The following CNIH3 variants were observed in gnomAD, a reference collection of about 807,000 sequenced individuals.
The protein encoded by CNIH3 is protein cornichon homolog 3.
In CNIH3, 14 loss-of-function variants were observed where a neutral mutation model predicts 24.1. That is an observed-to-expected ratio of 0.58 (90% CI 0.38 to 0.91). CNIH3 has a LOEUF of 0.91. Ranked by LOEUF, CNIH3 falls within the 40% of genes least tolerant of loss-of-function variation. CNIH3 has a pLI of 0.00. For synonymous variants in CNIH3, 68 were observed against 73.8 expected (o/e 0.92, Z 0.40); for missense variants, 178 against 196.8 (o/e 0.90, Z 0.57).
intron 1 of CNIH3, among the ~76,000 whole-genome samples, chr1:224,460,147 C>T (rs1047208192): frequency 2.0e-5 from 3 of 152,206 alleles, no homozygotes; most frequent in African/African-American, 7.2e-5. Flanking sequence ...CCACGTCGGC[C>T]TCCCAGGGTG....
At chr1:224,689,878 C>G (rs1199415636) in intron 3 of CNIH3, among the ~76,000 whole-genome samples, 1 of 152,166 alleles carries the variant, frequency 6.6e-6, no homozygotes, top group Non-Finnish European at 1.5e-5. Context: ...AGCCAGTTGC[C>G]TCTTGAGCAG....
downstream of CNIH3, chr1:224,537,541 T>C (rs1435763462): frequency 6.6e-6 from 1 of 152,168 alleles, no homozygotes; most frequent in Non-Finnish European, 1.5e-5. Flanking sequence ...GTCTTACACA[T>C]ATTGATTGAT....
In CNIH3 at chr1:224,706,681, C is replaced by T. The variant is rs553142642; in HGVS notation, c.198+21838C>T. Among the ~76,000 whole-genome samples the T allele has an allele frequency of 1.1e-4, 17 of 152,224 alleles. No individual in the cohort carries two copies. The South Asian group carries it at 2.5e-3, about 22-fold the overall frequency. ...AAAGGATCTTAGTGAATTCTGGCCT[C>T]GCTCTTTCATCGAAGGTAAACAAAA... On this transcript the variant is annotated intron_variant, in intron 3 of 5. Transcript: ENST00000272133.
chr1:224,516,778 C>T (rs80134710), intron 1 of CNIH3, among the ~76,000 whole-genome samples: 4 of 152,366 alleles, frequency 2.6e-5, no homozygotes, highest in African/African-American at 4.8e-5. Flanking sequence ...CTTTGCAGCA[C>T]GTTTTCTTAC....
At chr1:224,566,102 T>C (rs1223191297) in intron 3 of CNIH3, 3 of 152,100 alleles carry the variant, frequency 2.0e-5, no homozygotes, top group Admixed American at 6.5e-5. Context: ...AGACAAACAA[T>C]AGAATTTGAT....
chr1:224,596,015 G>C lies in CNIH3; in HGVS notation n.402+29751G>C, dbSNP rs1269436406. 2.6e-5 allele frequency among the ~76,000 whole-genome samples: 4 copies of C among 152,212 alleles called. No homozygotes were observed. The East Asian group carries it at 7.7e-4, about 29-fold the overall frequency. On this transcript the variant is annotated intron_variant and non_coding_transcript_variant, in intron 3 of 7. Coordinates refer to the CNIH3 transcript ENST00000478120. ...TGAAGCCACAAGTGCTGATGGAGAAGCTGCAGCAAGTTACCCAGAAGGTCT... is the reference window on the plus strand; with the variant it reads ...TGAAGCCACAAGTGCTGATGGAGAACCTGCAGCAAGTTACCCAGAAGGTCT...
At chr1:224,467,818 A>G (rs1676210513) in intron 1 of CNIH3, among the ~76,000 whole-genome samples, 1 of 150,290 alleles carries the variant, frequency 6.7e-6, no homozygotes, top group Non-Finnish European at 1.5e-5. Flanking sequence ...AAAGTTTCAT[A>G]GTTTTACATG....
intron 2 of CNIH3, among the ~76,000 whole-genome samples, chr1:224,524,042 T>C (rs1558129079): frequency 6.6e-6 from 1 of 152,218 alleles, no homozygotes; most frequent in East Asian, 1.9e-4. Flanking sequence ...TACTAAGTTA[T>C]AAACTTCTTA....
intron 1 of CNIH3, among the ~76,000 whole-genome samples, chr1:224,474,727 C>T (rs1263358812): frequency 2.0e-5 from 3 of 151,904 alleles, no homozygotes; most frequent in East Asian, 1.9e-4. Context: ...AGAAAGAAGG[C>T]CCAAATAAGG....
At chr1:224,601,877 C>T (rs1474790353) in intron 3 of CNIH3, among the ~76,000 whole-genome samples, 1 of 152,206 alleles carries the variant, frequency 6.6e-6, no homozygotes, top group South Asian at 2.1e-4. Flanking sequence ...AATACAGTGA[C>T]TTAGTGCCAA....
At chr1:224,651,286 G>A (rs1428141140) in intron 1 of CNIH3, among the ~76,000 whole-genome samples, 1 of 152,190 alleles carries the variant, frequency 6.6e-6, no homozygotes, top group African/African-American at 2.4e-5. Context: ...GTGCAGTGCA[G>A]GAATAAGGAA....
chr1:224,441,308 A>G (rs550293731), intron 1 of CNIH3, among the ~76,000 whole-genome samples: 1 of 152,148 alleles, frequency 6.6e-6, no homozygotes, highest in Non-Finnish European at 1.5e-5. Context: ...GACAGTAAGT[A>G]TTTGTTTTTC....
At chr1:224,581,638 A>C (rs1053988039) in intron 4 of CNIH3, among the ~76,000 whole-genome samples, 8 of 152,130 alleles carry the variant, frequency 5.3e-5, no homozygotes, top group African/African-American at 1.9e-4. Context: ...AAACAGTGCT[A>C]TTGCATATAG....
At chr1:224,484,272 TACAAAAA>T (rs1676939751) in intron 1 of CNIH3, among the ~76,000 whole-genome samples, 1 of 150,030 alleles carries the variant, frequency 6.7e-6, no homozygotes. Context: ...ATACTAAAAA[TACAAAAA>T]ATTAGCCGGG....
rs529804037 is a variant in CNIH3, at chr1:224,645,601, C to T, written c.81+28346C>T. Among the ~76,000 whole-genome samples, 6 of 152,342 alleles carry T rather than the reference C, an allele frequency of 3.9e-5. 1 individual carries two copies. The highest frequency in any genetic ancestry group is 3.3e-4 in the Admixed American group (5 of 15,304). On this transcript the variant is annotated intron_variant, in intron 1 of 5. Transcript: ENST00000272133. The stretch of plus-strand genomic sequence containing the variant: ...AATATGGTGGGTGGTGAGGTTTAGG[C>T]CCTGTTCCAATTCAGGGTAACATGT...
At chr1:224,649,703 G>A (rs1413534754) in intron 1 of CNIH3, among the ~76,000 whole-genome samples, 1 of 152,148 alleles carries the variant, frequency 6.6e-6, no homozygotes, top group Non-Finnish European at 1.5e-5. Flanking sequence ...AATCCCAGCG[G>A]TTCCTCCTCT....
At chr1:224,585,692 C>T (rs889650636) in intron 5 of CNIH3, among the ~76,000 whole-genome samples, 1 of 141,780 alleles carries the variant, frequency 7.1e-6, no homozygotes, top group African/African-American at 2.5e-5. Context: ...ACTATGTTGC[C>T]CAGGCTGGTT....
upstream of CNIH3, chr1:224,615,560 G>A (rs2125057802): frequency 6.6e-6 from 1 of 152,202 alleles, no homozygotes; most frequent in East Asian, 1.9e-4. Context: ...TTTCTGATAA[G>A]GAAACTAAGG....
At chr1:224,702,959 G>T (rs1687583027) in intron 3 of CNIH3, among the ~76,000 whole-genome samples, 1 of 152,198 alleles carries the variant, frequency 6.6e-6, no homozygotes. Context: ...CACATTGGTT[G>T]TAAGGGCTAG....
Sources: gnomAD v4.1 joint callset for allele counts (sites outside exome capture counted in the v4.1 genomes callset) on GRCh38, gnomAD v4.1.1 for gene constraint, MANE v1.5 for transcripts, NCBI Gene and HGNC (gene_info 2026-07-23, HGNC 2026-07-21) for gene names.